The following VSTM4 variants were observed in gnomAD, a reference collection of about 807,000 sequenced individuals.
The protein encoded by VSTM4 is V-set and transmembrane domain containing 4.
A neutral mutation model predicts 36.4 loss-of-function variants in VSTM4; 20 were observed. The observed-to-expected ratio is 0.55, with a 90% CI of 0.39 to 0.80. The LOEUF is 0.80. Among genes scored for constraint, VSTM4 ranks in the 30% least tolerant of loss-of-function variants. The pLI is 0.00. For missense variants in VSTM4, 392 were observed against 404.5 expected (o/e 0.97, Z 0.26); for synonymous variants, 182 against 173.9 (o/e 1.05, Z -0.37).
intron 2 of VSTM4, among the ~76,000 whole-genome samples, chr10:49,097,695 A>G (rs1844597417): frequency 1.3e-5 from 2 of 152,218 alleles, no homozygotes. Context: ...AAGTATCATT[A>G]TTTGAAAAGA....
intron 5 of VSTM4, among the ~76,000 whole-genome samples, chr10:49,056,050 G>C (rs75963315): frequency 0.036 from 5,417 of 152,304 alleles, 302 homozygotes; most frequent in African/African-American, 0.12. Context: ...TGACATTTCT[G>C]CATGCATCCT....
intron 2 of VSTM4, chr10:49,102,264 G>A (rs1844681479): frequency 6.4e-6 from 2 of 311,836 alleles, no homozygotes; most frequent in Admixed American, 6.5e-5. Flanking sequence ...AGCCTCCCGA[G>A]TAGCTGGGAT....
At chr10:49,041,118 G>A (rs1471211382) in intron 7 of VSTM4, among the ~76,000 whole-genome samples, 1 of 152,090 alleles carries the variant, frequency 6.6e-6, no homozygotes, top group African/African-American at 2.4e-5. Context: ...GATAAATATC[G>A]ACCAAACTGA....
At chr10:49,026,934 C>T (rs972005966) in intron 7 of VSTM4, among the ~76,000 whole-genome samples, 11 of 152,188 alleles carry the variant, frequency 7.2e-5, no homozygotes, top group African/African-American at 2.7e-4. Context: ...AGTCCTCTTT[C>T]CAGGCTCCTC....
intron 1 of VSTM4, among the ~76,000 whole-genome samples, chr10:49,110,660 A>T (rs963900473): frequency 2.0e-5 from 3 of 152,050 alleles, no homozygotes; most frequent in Non-Finnish European, 4.4e-5. Context: ...CTGGGCCCTA[A>T]TCTAGTATCA....
At chr10:49,064,675 T>G (rs1222096258) in intron 5 of VSTM4, 28 bp downstream of exon 5, 2 of 1,600,822 alleles carry the variant, frequency 1.2e-6, no homozygotes, top group African/African-American at 1.4e-5. Context: ...AAGAGTTTCA[T>G]CTGAAAAAAG....
chr10:49,106,881 A>G (rs1021761277), intron 2 of VSTM4, among the ~76,000 whole-genome samples: 2 of 152,232 alleles, frequency 1.3e-5, no homozygotes, highest in South Asian at 2.1e-4. Context: ...CCACATGCCT[A>G]TGCCTACGAT....
intron 6 of VSTM4, among the ~76,000 whole-genome samples, chr10:49,047,874 G>A (rs1843638355): frequency 6.6e-6 from 1 of 152,188 alleles, no homozygotes; most frequent in Non-Finnish European, 1.5e-5. Context: ...AATTTGCTAA[G>A]GTATGAATAT....
chr10:49,033,367 A>G (rs1463455672), intron 7 of VSTM4, among the ~76,000 whole-genome samples: 1 of 152,218 alleles, frequency 6.6e-6, no homozygotes, highest in Non-Finnish European at 1.5e-5. Flanking sequence ...TGTAGCCATG[A>G]CCCACACTAA....
At chr10:49,051,839 G>GT (rs534658037) in intron 5 of VSTM4, among the ~76,000 whole-genome samples, 10 of 152,238 alleles carry the variant, frequency 6.6e-5, no homozygotes, top group African/African-American at 1.7e-4. Context: ...TCCATGTGCA[G>GT]TTTTTTTGTG....
intron 2 of VSTM4, among the ~76,000 whole-genome samples, chr10:49,093,771 G>A (rs1165145398): frequency 7.7e-5 from 9 of 117,586 alleles, no homozygotes; most frequent in African/African-American, 2.9e-4. Flanking sequence ...TTTTTGAGAT[G>A]GAGTCTTGCT....
rs1342165403 is a variant in VSTM4 at position 49,085,981 on chromosome 10, GT to G, written c.499del (p.Thr167GlnfsTer46). The G allele has an allele frequency of 2.0e-5, 32 of 1,595,652 alleles. No individual in the cohort carries two copies. Among genetic ancestry groups the G allele is most frequent in the Non-Finnish European group, 2.7e-5 (32 of 1,172,522 alleles). ...TTCAAAAAATGCCCAAGTCTCTTTT[GT>G]TTTCTCAAAGGATGACTCTTCAGAA... ...KASEESSFEK[T>X]KETWAFFEDL... On this transcript the variant is annotated frameshift_variant, in exon 3 of 8. Coordinates refer to ENST00000332853, the MANE Select transcript of VSTM4 (RefSeq NM_001031746.5). LOFTEE classifies it high-confidence loss of function.
intron 4 of VSTM4, among the ~76,000 whole-genome samples, chr10:49,075,726 G>A (rs991594222): frequency 2.6e-5 from 4 of 152,364 alleles, no homozygotes; most frequent in Admixed American, 6.5e-5. Flanking sequence ...CCCCATTGCC[G>A]ATTGTGGAGC....
chr10:49,030,219 G>C (rs1843324085), intron 7 of VSTM4, among the ~76,000 whole-genome samples: 1 of 152,230 alleles, frequency 6.6e-6, no homozygotes, highest in Non-Finnish European at 1.5e-5. Flanking sequence ...TCTCCTTGGA[G>C]CGGAGGCCAC....
chr10:49,037,836 C>A (rs980921912), intron 7 of VSTM4, among the ~76,000 whole-genome samples: 14 of 151,704 alleles, frequency 9.2e-5, no homozygotes, highest in Admixed American at 1.3e-4. Context: ...AGACAAATGG[C>A]TGACAAGAAC....
At chr10:49,027,653 A>G (rs2264849) in intron 7 of VSTM4, among the ~76,000 whole-genome samples, 79,192 of 152,068 alleles carry the variant, frequency 0.52, 21,342 homozygotes, top group East Asian at 0.68. Flanking sequence ...TTCTGCCACT[A>G]TGTTTTGTCT....
intron 4 of VSTM4, among the ~76,000 whole-genome samples, chr10:49,065,072 A>C (rs1843948818): frequency 6.6e-6 from 1 of 152,198 alleles, no homozygotes; most frequent in Admixed American, 6.5e-5. Context: ...AGTCATAAGA[A>C]AGCCCTCTTG....
intron 2 of VSTM4, among the ~76,000 whole-genome samples, chr10:49,088,022 CAT>C (rs1408711999): frequency 1.0e-4 from 15 of 146,356 alleles, no homozygotes; most frequent in African/African-American, 3.3e-4. Context: ...TGTATATATA[CAT>C]ATATATGTAA....
intron 7 of VSTM4, among the ~76,000 whole-genome samples, chr10:49,028,988 G>A (rs955030098): frequency 1.3e-5 from 2 of 152,190 alleles, no homozygotes; most frequent in Non-Finnish European, 2.9e-5. Context: ...CAAGATAAGT[G>A]CTCATTTTTT....
Sources: allele counts gnomAD v4.1 joint callset (sites outside exome capture counted in the v4.1 genomes callset), GRCh38; gene constraint gnomAD v4.1.1; transcripts MANE v1.5; gene names NCBI Gene and HGNC (gene_info 2026-07-23, HGNC 2026-07-21).